DCAF10: variants seen among roughly 807,000 people sequenced by gnomAD.
DCAF10 encodes the protein DDB1 and CUL4 associated factor 10.
In DCAF10, 19 loss-of-function variants were observed where a neutral mutation model predicts 51.9. That is an observed-to-expected ratio of 0.37 (90% confidence interval 0.26 to 0.54). The LOEUF is 0.54. DCAF10 is among the 20% of genes least tolerant of loss of function. DCAF10 has a pLI of 0.87. For synonymous variants in DCAF10, 291 were observed against 297.1 expected (o/e 0.98, Z 0.21); for missense variants, 510 against 730.6 (o/e 0.70, Z 3.48).
intron 2 of DCAF10, chr9:37,835,898 T>A: frequency 8.6e-7 from 1 of 1,164,056 alleles, no homozygotes; most frequent in African/African-American, 1.5e-5. Context: ...ACGTGTAGGT[T>A]TGAAAACTGT....
At chr9:37,825,223 G>A (rs898669396) in intron 2 of DCAF10, among the ~76,000 whole-genome samples, 1 of 152,150 alleles carries the variant, frequency 6.6e-6, no homozygotes, top group African/African-American at 2.4e-5. Flanking sequence ...ATTCGACCCA[G>A]CAGTCCCATT....
At chr9:37,814,105 T>C (rs1172974612) in intron 1 of DCAF10, among the ~76,000 whole-genome samples, 2 of 104,274 alleles carry the variant, frequency 1.9e-5, no homozygotes, top group Non-Finnish European at 4.0e-5. Flanking sequence ...TATATATATA[T>C]ATATATATAT....
chr9:37,801,431 G>A lies in DCAF10; in HGVS notation c.539+26G>A. 7.0e-7 allele frequency: 1 copy of A among 1,420,900 alleles called. No individual in the cohort carries two copies. The highest frequency in any genetic ancestry group is 9.2e-7 in the Non-Finnish European group (1 of 1,085,856). The allele number at this position is 1,420,900 out of a possible 1,614,324, so 88.0% of individuals were successfully genotyped here. A position where few individuals can be genotyped will look rare whatever the true frequency, so the allele number is the denominator to read the frequency against. On this transcript the variant is annotated intron_variant, in intron 1 of 6. Transcript: ENST00000377724. This position sits in a 1 kb window ranked among gnomAD's most constrained non-coding sequence, Gnocchi z 5.5. ...GTAAGCGCGGCCCCTCGGAGGGCGG[G>A]CGCCCGCCTCCGCCCGGCTCTGCTG...
intron 1 of DCAF10, among the ~76,000 whole-genome samples, chr9:37,815,487 A>G (rs1829496820): frequency 6.6e-6 from 1 of 152,162 alleles, no homozygotes; most frequent in Non-Finnish European, 1.5e-5. Context: ...TCTACTAATA[A>G]TACAAAAATT....
At chr9:37,840,159 A>G (rs951775448) in intron 2 of DCAF10, among the ~76,000 whole-genome samples, 6 of 152,226 alleles carry the variant, frequency 3.9e-5, no homozygotes, top group East Asian at 1.9e-4. Context: ...GACACCATAT[A>G]CAACAGTGGT....
chr9:37,829,638 A>G lies in DCAF10; in HGVS notation c.653+10237A>G, dbSNP rs1389159987. ...TAGGCACTCTTAGATATTACTGATG[A>G]AGTATAAATTTATAACATTATTTTG... On this transcript the variant is annotated intron_variant, in intron 2 of 6. Coordinates refer to ENST00000377724, the MANE Select transcript of DCAF10 (RefSeq NM_024345.5). The surrounding 1 kb of genome is among the most constrained non-coding windows in gnomAD (Gnocchi z 4.2). Among the ~76,000 whole-genome samples, 6 of 152,178 alleles carry G rather than the reference A, an allele frequency of 3.9e-5. No homozygotes were observed. Among genetic ancestry groups the G allele is most frequent in the African/African-American group, 1.4e-4 (6 of 41,442 alleles).
At chr9:37,817,800 A>G (rs1192270521) in intron 1 of DCAF10, among the ~76,000 whole-genome samples, 1 of 152,130 alleles carries the variant, frequency 6.6e-6, no homozygotes, top group Non-Finnish European at 1.5e-5. Flanking sequence ...AAAAAAGTTC[A>G]TTTCAGGGTT....
intron 4 of DCAF10, 111 bp from the exon 5 acceptor site, chr9:37,857,130 T>A (rs1016665950): frequency 2.6e-6 from 2 of 759,126 alleles, no homozygotes; most frequent in Non-Finnish European, 4.1e-6. Flanking sequence ...CAGTGATATA[T>A]GAGCATTTTT....
chr9:37,801,267 G>A lies in DCAF10; in HGVS notation c.401G>A (p.Arg134His), dbSNP rs1411317536. Residue 134 changes from arginine (R) to histidine (H), a missense_variant, in exon 1 of 7, where the codon CGC (arginine) becomes CAC (histidine). Transcript: ENST00000377724. This position sits in a 1 kb window ranked among gnomAD's most constrained non-coding sequence, Gnocchi z 5.5. ...TGGCTGAAAGAGCGCAGCCTGGGCC[G>A]CGGGCTGTTCGTGGACCCGGCGCGG... ...FGWLKERSLG[R>H]GLFVDPARDN... is the part of the protein sequence containing the mutation. 1 of 1,593,652 alleles carries A rather than the reference G, an allele frequency of 6.3e-7. No individual in the cohort carries two copies. Among genetic ancestry groups the A allele is most frequent in the Non-Finnish European group, 8.5e-7 (1 of 1,172,810 alleles).
At chr9:37,831,764 G>A (rs541379168) in intron 2 of DCAF10, among the ~76,000 whole-genome samples, 11 of 152,264 alleles carry the variant, frequency 7.2e-5, no homozygotes, top group African/African-American at 2.6e-4. Flanking sequence ...ATTCCTGAGG[G>A]ATCTGTATGT....
upstream of DCAF10, chr9:37,800,582 C>T (rs1277661866): frequency 1.3e-6 from 2 of 1,536,120 alleles, no homozygotes; most frequent in Admixed American, 2.0e-5. Flanking sequence ...GGCCACCGGT[C>T]ACTGACAACT....
intron 2 of DCAF10, among the ~76,000 whole-genome samples, chr9:37,841,786 T>G (rs1036973156): frequency 1.3e-5 from 2 of 152,166 alleles, no homozygotes; most frequent in South Asian, 2.1e-4. Context: ...TCTGAAGTTC[T>G]TTTTTTCCCT....
At chr9:37,835,939 C>A in intron 2 of DCAF10, 1 of 1,085,490 alleles carries the variant, frequency 9.2e-7, no homozygotes, top group Non-Finnish European at 1.4e-6. Context: ...GAGAAGAAAG[C>A]CACCATTTTT....
intron 1 of DCAF10, among the ~76,000 whole-genome samples, chr9:37,808,106 A>C (rs983579040): frequency 6.6e-6 from 1 of 152,164 alleles, no homozygotes; most frequent in Non-Finnish European, 1.5e-5. Context: ...TACCGAATAC[A>C]GTTTCTCACC....
chr9:37,850,868 A>ATATATATG, intron 3 of DCAF10, among the ~76,000 whole-genome samples: 1 of 82,036 alleles, frequency 1.2e-5, no homozygotes, highest in East Asian at 3.6e-4. Context: ...ATATATATAT[A>ATATATATG]TATATATATA....
intron 2 of DCAF10, among the ~76,000 whole-genome samples, chr9:37,823,599 C>G (rs111344490): frequency 0.19 from 28,700 of 150,946 alleles, 3,102 homozygotes; most frequent in African/African-American, 0.29. Flanking sequence ...GTTTTTTTGG[C>G]GGGGGGTACA....
At chr9:37,837,143 C>A (rs112288035) in intron 2 of DCAF10, among the ~76,000 whole-genome samples, 29,049 of 151,988 alleles carry the variant, frequency 0.19, 3,175 homozygotes, top group African/African-American at 0.29. Flanking sequence ...CCCAAAATTG[C>A]ATAGAAATAA....
At chr9:37,823,000 G>C (rs980192484) in intron 2 of DCAF10, among the ~76,000 whole-genome samples, 9 of 151,838 alleles carry the variant, frequency 5.9e-5, no homozygotes, top group African/African-American at 2.2e-4. Flanking sequence ...TATGTAGTTG[G>C]TATATAAAAA....
chr9:37,806,673 C>A (rs1216042998), intron 1 of DCAF10, among the ~76,000 whole-genome samples: 1 of 152,162 alleles, frequency 6.6e-6, no homozygotes. Flanking sequence ...AGCAGATGAT[C>A]GAGGCCTGTG....
Sources: gnomAD v4.1 joint callset for allele counts (sites outside exome capture counted in the v4.1 genomes callset) on GRCh38, gnomAD v4.1.1 for gene constraint, Gnocchi (gnomAD v3.1) non-coding constraint, MANE v1.5 for transcripts, NCBI Gene and HGNC (gene_info 2026-07-23, HGNC 2026-07-21) for gene names.